RAB3GAP1: variants seen among roughly 807,000 people sequenced by gnomAD.
RAB3GAP1 encodes the protein RAB3 GTPase activating protein catalytic subunit 1.
RAB3GAP1 carries 86 observed loss-of-function variants against 130.7 expected under a neutral mutation model. The ratio of observed to expected loss-of-function variants is 0.66; its 90% CI spans 0.55 to 0.79. The LOEUF (loss-of-function observed/expected upper bound fraction) is 0.79, where lower values mean the gene tolerates loss of function less well. Ranked by LOEUF, RAB3GAP1 falls within the 30% of genes least tolerant of loss-of-function variation. The probability of loss-of-function intolerance (pLI) is 0.00; values close to 1 mark genes in which losing one functional copy is unlikely to be tolerated. For synonymous variants in RAB3GAP1, 367 were observed against 401.7 expected, an observed-to-expected ratio of 0.91 and a Z score of 1.03; for missense variants, 1,029 against 1,169.4, an observed-to-expected ratio of 0.88 and a Z score of 1.75.
At chr2:135,171,102 A>G (rs182410871), downstream of RAB3GAP1, among the ~76,000 whole-genome samples, 543 of 152,008 alleles carry the variant, frequency 3.6e-3, no homozygotes, top group Middle Eastern at 6.8e-3. Context: ...GCGTATTACA[A>G]GCAGAGGAAC....
chr2:135,093,805 T>A, intron 5 of RAB3GAP1, 112 bp downstream of exon 5: 1 of 883,436 alleles, frequency 1.1e-6, no homozygotes, highest in Non-Finnish European at 1.9e-6. Context: ...AGCATTTAAT[T>A]GCAGCTGATT....
At chr2:135,058,165 A>C (rs1272193725) in intron 3 of RAB3GAP1, 79 bp downstream of exon 3, 1 of 1,184,030 alleles carries the variant, frequency 8.4e-7, no homozygotes, top group African/African-American at 1.5e-5. Flanking sequence ...TGCATTTGGC[A>C]CATTTGAATT....
chr2:135,116,468 C>T (rs61087958), intron 7 of RAB3GAP1, among the ~76,000 whole-genome samples: 47,580 of 151,978 alleles, frequency 0.31, 11,350 homozygotes, highest in African/African-American at 0.65. Flanking sequence ...GGAAGCAATT[C>T]AGATTTAAGG....
intron 11 of RAB3GAP1, among the ~76,000 whole-genome samples, chr2:135,127,001 G>T (rs967985926): frequency 1.3e-5 from 2 of 151,508 alleles, no homozygotes; most frequent in African/African-American, 4.9e-5. Flanking sequence ...TCAGCCTCCC[G>T]AGTAGCTGGG....
intron 17 of RAB3GAP1, among the ~76,000 whole-genome samples, chr2:135,143,946 C>G (rs1461369616): frequency 1.3e-5 from 2 of 152,188 alleles, no homozygotes; most frequent in Non-Finnish European, 2.9e-5. Context: ...ACTGTTTGTT[C>G]ATACATTTTA....
chr2:135,149,588 G>A (rs1692108891), intron 17 of RAB3GAP1, among the ~76,000 whole-genome samples: 1 of 152,180 alleles, frequency 6.6e-6, no homozygotes. Context: ...ATAATTAAAA[G>A]TGATGCATGT....
At chr2:135,094,321 A>C (rs1311545968) in intron 5 of RAB3GAP1, among the ~76,000 whole-genome samples, 2 of 152,004 alleles carry the variant, frequency 1.3e-5, no homozygotes, top group Admixed American at 1.3e-4. Flanking sequence ...TACATATGTA[A>C]TAGTTGTACA....
chr2:135,052,529 G>A, intron 2 of RAB3GAP1, 44 bp downstream of exon 2: 1 of 1,608,692 alleles, frequency 6.2e-7, no homozygotes, highest in Non-Finnish European at 8.5e-7. Context: ...ATGGGCCCTG[G>A]CGTCCCCTAG....
At chr2:135,090,045 C>G (rs192077197) in intron 3 of RAB3GAP1, among the ~76,000 whole-genome samples, 23 of 152,174 alleles carry the variant, frequency 1.5e-4, no homozygotes, top group African/African-American at 5.5e-4. Context: ...ATGTAATAAA[C>G]CTGCATGTTC....
At position 135,169,288 on chromosome 2, in the gene RAB3GAP1, A is replaced by G. The variant is rs186189305; in HGVS notation, c.*507A>G. On this transcript the variant is annotated 3_prime_UTR_variant, in exon 24 of 24. Coordinates refer to ENST00000264158, the MANE Select transcript of RAB3GAP1 (RefSeq NM_012233.3). ...TACTACATGACATTCTGTCTATTCA[A>G]TCACCTGGTGGTCATCTTTCTTGTA... is the stretch of plus-strand genomic sequence containing the variant. 6.0e-5 allele frequency: 13 copies of G among 215,702 alleles called. No homozygotes were observed. The highest frequency in any genetic ancestry group is 1.8e-4 in the African/African-American group (8 of 43,284). The allele number at this position is 215,702 out of a possible 1,614,324, so 13.4% of individuals were successfully genotyped here. A position where few individuals can be genotyped will look rare whatever the true frequency, so the allele number is the denominator to read the frequency against.
intron 19 of RAB3GAP1, among the ~76,000 whole-genome samples, chr2:135,159,889 G>C (rs62170256): frequency 0.028 from 4,222 of 152,270 alleles, 90 homozygotes; most frequent in South Asian, 0.05. Context: ...GAAAACAATG[G>C]GCTGCATGTT....
In RAB3GAP1 at chr2:135,076,006, G is replaced by A. The variant is rs575567549; in HGVS notation, c.151-14992G>A. On this transcript the variant is annotated intron_variant, in intron 3 of 23. Transcript: ENST00000264158. ...GCTCACTGCAGCCTTCGCCTCCTGC[G>A]TTGAAGTGATTCTCCTGCCTCAGCC... Among the ~76,000 whole-genome samples, 139 of 150,652 alleles carry A rather than the reference G, an allele frequency of 9.2e-4. 1 individual carries two copies. Among genetic ancestry groups the A allele is most frequent in the African/African-American group, 3.0e-3 (123 of 40,898 alleles).
chr2:135,066,251 G>T (rs1396739816), intron 3 of RAB3GAP1, among the ~76,000 whole-genome samples: 1 of 152,046 alleles, frequency 6.6e-6, no homozygotes, highest in African/African-American at 2.4e-5. Context: ...TGGTGTTTTT[G>T]TCCAGATTTT....
chr2:135,077,529 C>CA (rs1396803151), intron 3 of RAB3GAP1, among the ~76,000 whole-genome samples: 2 of 151,998 alleles, frequency 1.3e-5, no homozygotes, highest in African/African-American at 4.8e-5. Flanking sequence ...CTATCTCTAC[C>CA]AAAAAAATCC....
intron 2 of RAB3GAP1, 65 bp downstream of exon 2, chr2:135,052,550 G>A (rs1380272260): frequency 2.5e-6 from 4 of 1,576,960 alleles, no homozygotes; most frequent in Non-Finnish European, 3.5e-6. Context: ...CCGCTTCCCT[G>A]ACCCCAGACA....
At chr2:135,163,257 T>C (rs1345861332) in intron 22 of RAB3GAP1, among the ~76,000 whole-genome samples, 156 bp downstream of exon 22, 1 of 152,226 alleles carries the variant, frequency 6.6e-6, no homozygotes, top group African/African-American at 2.4e-5. Context: ...TCATAGCATT[T>C]GACCTCTCCC....
At chr2:135,058,107 T>C (rs1689068195) in intron 3 of RAB3GAP1, 21 bp downstream of exon 3, 2 of 1,577,172 alleles carry the variant, frequency 1.3e-6, no homozygotes, top group Non-Finnish European at 1.7e-6. Context: ...TTTGCTGGTG[T>C]CTCTAAATGA....
At chr2:135,073,324 A>C (rs766475160) in intron 3 of RAB3GAP1, among the ~76,000 whole-genome samples, 23 of 152,188 alleles carry the variant, frequency 1.5e-4, no homozygotes, top group Non-Finnish European at 2.5e-4. Flanking sequence ...TCTTGAACCC[A>C]AAAGGGAAAT....
chr2:135,056,078 C>T (rs748249040), intron 2 of RAB3GAP1, among the ~76,000 whole-genome samples: 3 of 151,962 alleles, frequency 2.0e-5, no homozygotes, highest in Non-Finnish European at 4.4e-5. Flanking sequence ...CCTCATGATC[C>T]GCCCGCCTCG....
Sources: allele counts gnomAD v4.1 joint callset (sites outside exome capture counted in the v4.1 genomes callset), GRCh38; gene constraint gnomAD v4.1.1; transcripts MANE v1.5; gene names NCBI Gene and HGNC (gene_info 2026-07-23, HGNC 2026-07-21).